PCSK6: variants seen among roughly 807,000 people sequenced by gnomAD.
The protein encoded by PCSK6 is proprotein convertase subtilisin/kexin type 6, also known as paired basic amino acid cleaving enzyme 4.
Under a neutral mutation model 123.3 loss-of-function variants are expected in PCSK6, and 85 were observed. The ratio of observed to expected loss-of-function variants is 0.69; its 90% CI spans 0.58 to 0.83. The LOEUF (loss-of-function observed/expected upper bound fraction) is 0.83, where lower values mean the gene tolerates loss of function less well. Among genes scored for constraint, PCSK6 ranks in the 40% least tolerant of loss-of-function variants. PCSK6 has a pLI of 0.00. For synonymous variants in PCSK6, 508 were observed against 516.0 expected, an observed-to-expected ratio of 0.98 and a Z score of 0.21; for missense variants, 1,191 against 1,282.3, an observed-to-expected ratio of 0.93 and a Z score of 1.09.
intron 1 of PCSK6, among the ~76,000 whole-genome samples, chr15:101,482,290 G>C (rs545238568): frequency 6.6e-6 from 1 of 152,338 alleles, no homozygotes; most frequent in South Asian, 2.1e-4. Flanking sequence ...GGGCTGGTGA[G>C]GGCCTTCGGA....
At chr15:101,335,526 A>G (rs2040459766) in intron 13 of PCSK6, among the ~76,000 whole-genome samples, 1 of 152,166 alleles carries the variant, frequency 6.6e-6, no homozygotes, top group South Asian at 2.1e-4. Context: ...CTTGTGTATC[A>G]TTTCTGAAGC....
chr15:101,440,494 C>T (rs979836220), intron 2 of PCSK6, among the ~76,000 whole-genome samples: 4 of 152,200 alleles, frequency 2.6e-5, no homozygotes, highest in African/African-American at 9.7e-5. Context: ...ATGGGGTGGA[C>T]TGTACATTCC....
chr15:101,403,172 C>CA (rs1236100840), intron 6 of PCSK6, among the ~76,000 whole-genome samples: 2 of 147,152 alleles, frequency 1.4e-5, no homozygotes, highest in South Asian at 4.3e-4. Context: ...ATCGCAAGGA[C>CA]AAAAAACCAA....
At chr15:101,348,683 T>C (rs1391716970) in intron 13 of PCSK6, among the ~76,000 whole-genome samples, 1 of 152,178 alleles carries the variant, frequency 6.6e-6, no homozygotes, top group African/African-American at 2.4e-5. Context: ...GAAACCTTCC[T>C]CCATTTGAAT....
chr15:101,372,534 C>A (rs934136137), intron 11 of PCSK6, among the ~76,000 whole-genome samples: 2 of 152,232 alleles, frequency 1.3e-5, no homozygotes, highest in African/African-American at 4.8e-5. Context: ...CAGCAGCCCC[C>A]GCTGCGGTAG....
rs182017034 is a variant in PCSK6 at position 101,387,308 on chromosome 15, T to C, written c.1310+2156A>G. Among the ~76,000 whole-genome samples the C allele has an allele frequency of 5.7e-3, 871 of 152,246 alleles. 4 individuals are homozygous for C. Among genetic ancestry groups the C allele is most frequent in the Middle Eastern group, 0.017 (5 of 294 alleles). On this transcript the variant is annotated intron_variant, in intron 9 of 21. Coordinates refer to ENST00000611716, the MANE Select transcript of PCSK6 (RefSeq NM_002570.5). ...GTGCAGGCTTTGGAGTTTAGACAAG[T>C]GCTGACATGGCCACACCCCATGCTG...
At position 101,429,979 on chromosome 15, in the gene PCSK6, T is replaced by G. The variant is rs1596324774; in HGVS notation, c.734+8A>C. The stretch of plus-strand genomic sequence containing the variant: ...GAGAAGCCGGGGAGATGAGGCGAGG[T>G]GACGTACTTATTTTCATTGCTGGCA... On this transcript the variant is annotated splice_region_variant and intron_variant, in intron 5 of 21. Transcript: ENST00000611716. 3.7e-6 allele frequency: 6 copies of G among 1,609,290 alleles called. No individual in the cohort carries two copies. Among genetic ancestry groups the G allele is most frequent in the Non-Finnish European group, 5.1e-6 (6 of 1,175,772 alleles).
At chr15:101,360,178 G>T (rs1362073410) in intron 13 of PCSK6, among the ~76,000 whole-genome samples, 1 of 152,174 alleles carries the variant, frequency 6.6e-6, no homozygotes, top group African/African-American at 2.4e-5. Context: ...CTGCCCCGTC[G>T]GAGTCACCTT....
In PCSK6 at chr15:101,307,296, C is replaced by T; in HGVS notation, c.2729G>A (p.Gly910Asp). ...RCDENCLSCA[G>D]SSRNCSRCKT... The stretch of plus-strand genomic sequence containing the variant: ...ACACCTGCTACAGTTCCTGCTGGAG[C>T]CTGCACAGCTCAAGCAGTTCTCGTC... The change falls in exon 21 of 22, where the codon GGC (glycine) becomes GAC (aspartate). Residue 910 changes from glycine to aspartate, a missense_variant. Around this residue, in one of 3 missense-constraint regions of PCSK6, gnomAD observed 630 missense variants for 631.4 expected, o/e 1.00. Transcript: ENST00000611716. 6.2e-7 allele frequency: 1 copy of T among 1,613,610 alleles called. No homozygotes were observed. The highest frequency in any genetic ancestry group is 1.1e-5 in the South Asian group (1 of 91,016).
At chr15:101,392,517 T>A (rs937787873) in intron 8 of PCSK6, among the ~76,000 whole-genome samples, 12 of 151,858 alleles carry the variant, frequency 7.9e-5, no homozygotes, top group Non-Finnish European at 1.8e-4. Flanking sequence ...GTCTCATTTT[T>A]AAAATGTCTA....
intron 7 of PCSK6, among the ~76,000 whole-genome samples, chr15:101,397,659 G>C (rs1041059663): frequency 2.6e-5 from 4 of 152,186 alleles, no homozygotes; most frequent in African/African-American, 9.7e-5. Context: ...AGCTCTGTCT[G>C]CCTGCTCCAA....
chr15:101,364,141 T>C (rs2041318442), intron 13 of PCSK6, among the ~76,000 whole-genome samples: 1 of 152,078 alleles, frequency 6.6e-6, no homozygotes, highest in South Asian at 2.1e-4. Context: ...TATGGAGAAC[T>C]GGAAAAGAAC....
At chr15:101,388,639 C>T (rs1437742307) in intron 9 of PCSK6, among the ~76,000 whole-genome samples, 2 of 152,192 alleles carry the variant, frequency 1.3e-5, no homozygotes, top group Admixed American at 1.3e-4. Flanking sequence ...GCCCAGCCAG[C>T]CCCTGTGTCC....
intron 19 of PCSK6, among the ~76,000 whole-genome samples, chr15:101,314,965 C>T (rs777474454): frequency 2.6e-5 from 4 of 152,110 alleles, no homozygotes; most frequent in African/African-American, 9.7e-5. Context: ...ATACACCAGG[C>T]GGGGTGCCAC....
chr15:101,372,005 T>A (rs1165189735), intron 11 of PCSK6, among the ~76,000 whole-genome samples: 1 of 152,172 alleles, frequency 6.6e-6, no homozygotes, highest in East Asian at 1.9e-4. Context: ...TAGAATTTTC[T>A]GACACACTCC....
chr15:101,366,654 C>T (rs958501429), intron 12 of PCSK6, among the ~76,000 whole-genome samples: 3 of 152,248 alleles, frequency 2.0e-5, no homozygotes, highest in Non-Finnish European at 2.9e-5. Context: ...CCCCCAGTCC[C>T]GACAATTTCC....
intron 1 of PCSK6, among the ~76,000 whole-genome samples, chr15:101,467,326 G>A (rs1172511556): frequency 1.3e-5 from 2 of 151,052 alleles, no homozygotes; most frequent in South Asian, 2.1e-4. Flanking sequence ...AGGCTGGAGT[G>A]CAATGGCACG....
At chr15:101,453,540 G>C (rs28742215) in intron 1 of PCSK6, among the ~76,000 whole-genome samples, 7,717 of 152,272 alleles carry the variant, frequency 0.051, 609 homozygotes, top group African/African-American at 0.17. Flanking sequence ...AGAACTGCGA[G>C]ATCTCCTGAA....
At chr15:101,473,521 C>T (rs1402450874) in intron 1 of PCSK6, among the ~76,000 whole-genome samples, 1 of 152,210 alleles carries the variant, frequency 6.6e-6, no homozygotes, top group Non-Finnish European at 1.5e-5. Flanking sequence ...CTTGAAAAAG[C>T]AGGCAAGCAA....
Sources: allele counts gnomAD v4.1 joint callset (sites outside exome capture counted in the v4.1 genomes callset), GRCh38; gene constraint gnomAD v4.1.1; regional missense constraint gnomAD v4.1.1; transcripts MANE v1.5; gene names NCBI Gene and HGNC (gene_info 2026-07-23, HGNC 2026-07-21).